The following CUL3 variants were observed in gnomAD, a reference collection of about 807,000 sequenced individuals.
CUL3 encodes the protein cullin-3.
In CUL3, 19 loss-of-function variants were observed where a neutral mutation model predicts 89.1. The observed-to-expected ratio is 0.21, with a 90% CI of 0.15 to 0.31. The LOEUF is 0.31. CUL3 is among the 10% of genes least tolerant of loss of function. CUL3 has a pLI of 1.00. For synonymous variants in CUL3, 351 were observed against 308.4 expected (o/e 1.14, Z -1.45); for missense variants, 469 against 942.3 (o/e 0.50, Z 6.58).
intron 2 of CUL3, among the ~76,000 whole-genome samples, chr2:224,548,011 A>G (rs1694368273): frequency 6.6e-6 from 1 of 152,334 alleles, no homozygotes; most frequent in East Asian, 1.9e-4. Context: ...CAGAGACAGC[A>G]TTTTCAGCAA....
intron 13 of CUL3, among the ~76,000 whole-genome samples, chr2:224,486,875 T>C (rs1334752013): frequency 6.6e-6 from 1 of 152,090 alleles, no homozygotes; most frequent in African/African-American, 2.4e-5. Context: ...AAAGGTCAGG[T>C]TACCCAAAAA....
chr2:224,579,477 G>A (rs1371377774), intron 1 of CUL3, among the ~76,000 whole-genome samples: 2 of 148,480 alleles, frequency 1.3e-5, no homozygotes, highest in African/African-American at 5.0e-5. Context: ...TCTGTAGCTC[G>A]AAGAAAAGAA....
At chr2:224,547,630 C>G (rs962721076) in intron 2 of CUL3, among the ~76,000 whole-genome samples, 21 of 152,102 alleles carry the variant, frequency 1.4e-4, no homozygotes, top group Non-Finnish European at 1.5e-5. Context: ...GAAACTCAAT[C>G]TCTGTGGGCC....
chr2:224,495,919 A>G lies in CUL3; in HGVS notation c.1755T>C (p.Ser585=), dbSNP rs776818825. 5 of 1,614,026 alleles carry G rather than the reference A, an allele frequency of 3.1e-6. No homozygotes were observed. The highest frequency in any genetic ancestry group is 4.2e-6 in the Non-Finnish European group (5 of 1,179,874). ...VGVGGAQVTG[S]NTRKHILQVS... is the part of the protein sequence containing the mutation. ...CTTGCAATATGTGCTTCCGTGTATTAGAGCCAGTTACTTGTGCACCTCCAA... is the reference window on the plus strand; with the variant it reads ...CTTGCAATATGTGCTTCCGTGTATTGGAGCCAGTTACTTGTGCACCTCCAA... The change falls in exon 13 of 16, where the codon TCT becomes TCC. Residue 585 remains serine (S), a synonymous_variant. Coordinates refer to ENST00000264414, the MANE Select transcript of CUL3 (RefSeq NM_003590.5).
chr2:224,502,856 C>A, intron 10 of CUL3, 109 bp downstream of exon 10: 1 of 724,858 alleles, frequency 1.4e-6, no homozygotes, highest in South Asian at 1.8e-5. Context: ...CACATGTTGT[C>A]ACTAATGACA....
intron 1 of CUL3, among the ~76,000 whole-genome samples, chr2:224,575,660 C>T (rs2106324445): frequency 6.6e-6 from 1 of 152,294 alleles, no homozygotes; most frequent in East Asian, 1.9e-4. Flanking sequence ...GTATTAACTC[C>T]ATCTTTAAAA....
rs1193226803 is a variant in CUL3, at chr2:224,535,631, T to A, written c.275A>T (p.Asp92Val). Residue 92 changes from aspartate to valine, a missense_variant, in exon 3 of 16, where the codon GAT (aspartate) becomes GTT (valine). Coordinates refer to ENST00000264414, the MANE Select transcript of CUL3 (RefSeq NM_003590.5). Reference sequence around the variant, plus strand: ...GTTGTTATTCAATGAATTTAGTACATCTTCTCGCACCTAGTAACAGAAGAG... The same window carrying A: ...GTTGTTATTCAATGAATTTAGTACAACTTCTCGCACCTAGTAACAGAAGAG... ...TEHLINKVRE[D>V]VLNSLNNNFL... 1.2e-6 allele frequency: 2 copies of A among 1,611,248 alleles called. No homozygotes were observed. Among genetic ancestry groups the A allele is most frequent in the African/African-American group, 1.3e-5 (1 of 74,874 alleles).
intron 1 of CUL3, among the ~76,000 whole-genome samples, chr2:224,571,110 T>C (rs1695170927): frequency 6.6e-6 from 1 of 152,166 alleles, no homozygotes; most frequent in Admixed American, 6.5e-5. Context: ...CTTGTCACTG[T>C]CCTACTATTG....
intron 7 of CUL3, 81 bp downstream of exon 7, chr2:224,506,777 A>G: frequency 1.7e-6 from 2 of 1,208,692 alleles, no homozygotes; most frequent in Non-Finnish European, 2.4e-6. Context: ...TACACAATAC[A>G]CAGCATGGTA....
intron 13 of CUL3, among the ~76,000 whole-genome samples, chr2:224,486,526 A>C (rs545549883): frequency 1.3e-5 from 2 of 152,206 alleles, no homozygotes; most frequent in Admixed American, 6.5e-5. Flanking sequence ...CAAAGACAGA[A>C]GATCAACTTA....
rs1372276048 is a variant in CUL3 at position 224,536,213 on chromosome 2, TAA to T, written c.265-574_265-573del. Among the ~76,000 whole-genome samples, 3 of 152,308 alleles carry T rather than the reference TAA, an allele frequency of 2.0e-5. No homozygotes were observed. The South Asian group carries it at 6.2e-4, about 32-fold the overall frequency. On this transcript the variant is annotated intron_variant, in intron 2 of 15. Transcript: ENST00000264414. ...ACTTAAAACAGTGCTTAGTACTCCG[TAA>T]ACACTCTATAATAAACTACTCAGTA... is the stretch of plus-strand genomic sequence containing the variant.
intron 1 of CUL3, among the ~76,000 whole-genome samples, chr2:224,578,896 T>G (rs184536318): frequency 6.6e-6 from 1 of 152,314 alleles, no homozygotes; most frequent in Non-Finnish European, 1.5e-5. Context: ...CTTAATCATA[T>G]AATCTTCCTG....
chr2:224,508,544 G>C (rs1692689428), intron 6 of CUL3, among the ~76,000 whole-genome samples: 1 of 152,106 alleles, frequency 6.6e-6, no homozygotes, highest in East Asian at 1.9e-4. Flanking sequence ...GTATTTAGTT[G>C]TACATAAATT....
chr2:224,567,225 C>T (rs987284957), intron 1 of CUL3, among the ~76,000 whole-genome samples: 5 of 152,100 alleles, frequency 3.3e-5, no homozygotes, highest in African/African-American at 4.8e-5. Flanking sequence ...TCTTTGTTTT[C>T]GTTTTTGTTT....
chr2:224,509,510 G>A (rs1032059244), intron 6 of CUL3, among the ~76,000 whole-genome samples: 25 of 152,298 alleles, frequency 1.6e-4, no homozygotes, highest in African/African-American at 5.8e-4. Context: ...TTGCCACCCT[G>A]CCTGGACAAA....
At chr2:224,481,747 CA>C (rs1691546672) in intron 14 of CUL3, 144 bp downstream of exon 14, 2 of 492,274 alleles carry the variant, frequency 4.1e-6, no homozygotes, top group Non-Finnish European at 6.7e-6. Context: ...AAATACTTAT[CA>C]ATAAAAGCTG....
chr2:224,570,488 T>C (rs1232668642), intron 1 of CUL3, among the ~76,000 whole-genome samples: 1 of 152,222 alleles, frequency 6.6e-6, no homozygotes, highest in Non-Finnish European at 1.5e-5. Flanking sequence ...AATATGTTTG[T>C]TTCTTCCTTG....
intron 8 of CUL3, among the ~76,000 whole-genome samples, chr2:224,505,097 T>C (rs1322166497): frequency 1.3e-5 from 2 of 149,808 alleles, no homozygotes; most frequent in East Asian, 3.9e-4. Context: ...CTCTCAGTCA[T>C]AAAAATGACT....
intron 3 of CUL3, among the ~76,000 whole-genome samples, chr2:224,520,103 A>G (rs1411606372): frequency 6.6e-6 from 1 of 152,250 alleles, no homozygotes; most frequent in Non-Finnish European, 1.5e-5. Flanking sequence ...TTTAAAGCCA[A>G]AAACAGGCAT....
Sources: gnomAD v4.1 joint callset for allele counts (sites outside exome capture counted in the v4.1 genomes callset) on GRCh38, gnomAD v4.1.1 for gene constraint, MANE v1.5 for transcripts, NCBI Gene and HGNC (gene_info 2026-07-23, HGNC 2026-07-21) for gene names.